The following FAM107B variants were observed in gnomAD, a reference collection of about 807,000 sequenced individuals.
FAM107B encodes protein FAM107B.
In FAM107B, 21 loss-of-function variants were observed where a neutral mutation model predicts 31.5. The ratio of observed to expected loss-of-function variants is 0.67; its 90% confidence interval spans 0.47 to 0.96. FAM107B has a LOEUF of 0.96. Ranked by LOEUF, FAM107B falls within the 40% of genes least tolerant of loss-of-function variation. The pLI, the probability that FAM107B is intolerant of heterozygous loss-of-function variation, is 0.00. For missense variants in FAM107B, 452 were observed against 377.1 expected (o/e 1.20, Z -1.64); for synonymous variants, 157 against 141.5 (o/e 1.11, Z -0.78).
At chr10:14,554,145 G>C (rs1849499413) in intron 2 of FAM107B, 5 of 985,380 alleles carry the variant, frequency 5.1e-6, no homozygotes, top group Non-Finnish European at 6.0e-6. Context: ...CGCCTGTTCA[G>C]AGAGTTAGAA....
At position 14,691,450 on chromosome 10, in the gene FAM107B, C is replaced by T. The variant is rs117609687; in HGVS notation, c.412-23759G>A. Among the ~76,000 whole-genome samples the T allele has an allele frequency of 3.4e-3, 516 of 152,294 alleles. 7 individuals carry two copies. The East Asian group carries it at 0.048, about 14-fold the overall frequency. On this transcript the variant is annotated intron_variant, in intron 1 of 4. Coordinates refer to ENST00000181796, the MANE Select transcript of FAM107B (RefSeq NM_031453.4). ...CTGCTGAGTGGTAAGGCTGCTGCTT[C>T]GGGGTCGAAACTTCCGTAATCACAA...
chr10:14,554,176 C>G (rs1054339780), intron 2 of FAM107B: 7 of 985,308 alleles, frequency 7.1e-6, no homozygotes, highest in Non-Finnish European at 7.2e-6. Flanking sequence ...TCTTTATCTC[C>G]TTTTCCTCTA....
chr10:14,551,437 A>G (rs771246843), intron 2 of FAM107B, among the ~76,000 whole-genome samples: 2 of 151,920 alleles, frequency 1.3e-5, no homozygotes, highest in African/African-American at 2.4e-5. Flanking sequence ...GCGCCACCTC[A>G]CCCGGCCGAT....
chr10:14,618,489 C>G (rs183406452), intron 2 of FAM107B, among the ~76,000 whole-genome samples: 75 of 152,174 alleles, frequency 4.9e-4, no homozygotes, highest in African/African-American at 1.7e-3. Context: ...CCACGCCCCC[C>G]AAAAAGATGT....
intron 2 of FAM107B, among the ~76,000 whole-genome samples, chr10:14,585,826 T>C (rs1409391): frequency 0.14 from 20,650 of 152,122 alleles, 1,628 homozygotes; most frequent in South Asian, 0.22. Flanking sequence ...CAAGTACTCG[T>C]GAGTAGGGTG....
intron 1 of FAM107B, among the ~76,000 whole-genome samples, chr10:14,674,471 C>A (rs1029331608): frequency 2.0e-5 from 3 of 152,096 alleles, no homozygotes; most frequent in Admixed American, 2.0e-4. Flanking sequence ...GTAAAACCAC[C>A]ACTTTGTTTT....
intron 1 of FAM107B, among the ~76,000 whole-genome samples, chr10:14,677,040 A>G (rs983231582): frequency 6.6e-6 from 1 of 152,144 alleles, no homozygotes; most frequent in Non-Finnish European, 1.5e-5. Context: ...TGAAGCCTTC[A>G]TCAAGACTTT....
chr10:14,599,236 C>A (rs906951226), intron 2 of FAM107B, among the ~76,000 whole-genome samples: 1 of 152,236 alleles, frequency 6.6e-6, no homozygotes, highest in Admixed American at 6.5e-5. Context: ...GTGTCCCCCC[C>A]CACTTCAAGA....
chr10:14,666,286 G>C (rs1019753015), intron 2 of FAM107B, among the ~76,000 whole-genome samples: 1 of 152,104 alleles, frequency 6.6e-6, no homozygotes, highest in Non-Finnish European at 1.5e-5. Context: ...GGAGGACTCG[G>C]GAAACTTACA....
At chr10:14,578,620 G>C (rs1197699919) in intron 2 of FAM107B, among the ~76,000 whole-genome samples, 1 of 152,158 alleles carries the variant, frequency 6.6e-6, no homozygotes, top group Non-Finnish European at 1.5e-5. Flanking sequence ...ATTTTCCGGA[G>C]TCCGGAAGCA....
chr10:14,564,038 TTTG>T (rs1460859003), intron 2 of FAM107B, among the ~76,000 whole-genome samples: 7 of 152,312 alleles, frequency 4.6e-5, no homozygotes, highest in East Asian at 1.9e-4. Flanking sequence ...TTTATTATTG[TTTG>T]TTATTTTTGA....
intron 2 of FAM107B, among the ~76,000 whole-genome samples, chr10:14,543,289 A>G (rs1848395074): frequency 6.6e-6 from 1 of 152,236 alleles, no homozygotes; most frequent in Non-Finnish European, 1.5e-5. Context: ...AGGAAAAGAA[A>G]AAAAACACTT....
intron 1 of FAM107B, among the ~76,000 whole-genome samples, chr10:14,697,736 C>G (rs1855300712): frequency 6.6e-6 from 1 of 152,236 alleles, no homozygotes; most frequent in African/African-American, 2.4e-5. Context: ...CGAAGGGACT[C>G]TACCTAGACT....
intron 2 of FAM107B, among the ~76,000 whole-genome samples, chr10:14,544,082 A>C (rs1848488152): frequency 6.6e-6 from 1 of 152,082 alleles, no homozygotes. Context: ...CCGAGGAGAG[A>C]CTCAACTGCT....
At chr10:14,660,041 C>T (rs778754207) in intron 2 of FAM107B, among the ~76,000 whole-genome samples, 26 of 152,096 alleles carry the variant, frequency 1.7e-4, no homozygotes, top group Non-Finnish European at 3.5e-4. Flanking sequence ...CAGCCAACTC[C>T]GAAAATGTGC....
intron 2 of FAM107B, among the ~76,000 whole-genome samples, chr10:14,664,256 T>G (rs180789296): frequency 6.6e-6 from 1 of 152,226 alleles, no homozygotes; most frequent in African/African-American, 2.4e-5. Context: ...TCTCTAAAAC[T>G]TACATTTTAC....
intron 3 of FAM107B, among the ~76,000 whole-genome samples, chr10:14,524,163 T>C (rs568483007): frequency 6.6e-6 from 1 of 151,476 alleles, no homozygotes; most frequent in Admixed American, 6.6e-5. Context: ...TCCCTCAGCC[T>C]CCCGAGGAGC....
Position 14,647,641 on chromosome 10 carries a change from G to A in FAM107B, c.469+19993C>T, listed in dbSNP as rs1035709119. Among the ~76,000 whole-genome samples the A allele has an allele frequency of 2.7e-5, 4 of 149,280 alleles. No homozygotes were observed. In the East Asian group the frequency reaches 5.9e-4, roughly 22 times the overall value. The stretch of plus-strand genomic sequence containing the variant: ...CGGAGGTTGCAGAGGAGCCAAGATC[G>A]TGCCATTGCACTCCAACCTGGGTGA... On this transcript the variant is annotated intron_variant, in intron 2 of 4. Transcript: ENST00000181796.
chr10:14,608,633 C>T (rs1004233971), intron 2 of FAM107B, among the ~76,000 whole-genome samples: 1 of 152,170 alleles, frequency 6.6e-6, no homozygotes, highest in Non-Finnish European at 1.5e-5. Context: ...GATAGGACTT[C>T]CTCACACAAC....
Sources: gnomAD v4.1 joint callset for allele counts (sites outside exome capture counted in the v4.1 genomes callset) on GRCh38, gnomAD v4.1.1 for gene constraint, MANE v1.5 for transcripts, NCBI Gene and HGNC (gene_info 2026-07-23, HGNC 2026-07-21) for gene names.